RNF207: variants seen among roughly 807,000 people sequenced by gnomAD.
The protein encoded by RNF207 is OTTHUMG00000001089.
In RNF207, 72 loss-of-function variants were observed where a neutral mutation model predicts 79.0. That is an observed-to-expected ratio of 0.91 (90% CI 0.75 to 1.11). RNF207 has a LOEUF of 1.11. Ranked by LOEUF, RNF207 falls within the 50% of genes least tolerant of loss-of-function variation. The probability of loss-of-function intolerance (pLI) is 0.00; values close to 1 mark genes in which losing one functional copy is unlikely to be tolerated. For synonymous variants in RNF207, 348 were observed against 366.2 expected (o/e 0.95, Z 0.57); for missense variants, 936 against 855.8 (o/e 1.09, Z -1.17).
chr1:6,218,480 T>A, intron 17 of RNF207, 111 bp downstream of exon 17: 2 of 738,936 alleles, frequency 2.7e-6, no homozygotes, highest in Non-Finnish European at 4.5e-6. Context: ...TCTGGGGCCC[T>A]GGCTGGGCCT....
chr1:6,218,476 GC>G (rs896850936), intron 17 of RNF207, 107 bp downstream of exon 17: 1 of 804,718 alleles, frequency 1.2e-6, no homozygotes, highest in African/African-American at 1.8e-5. Context: ...CAGCTCTGGG[GC>G]CCTGGCTGGG....
In RNF207 at chr1:6,210,921, C is replaced by T. The variant is rs375841492; in HGVS notation, c.994C>T (p.Pro332Ser). The change falls in exon 11 of 18, where the codon CCT becomes TCT. Residue 332 changes from proline (P) to serine (S), a missense_variant. Coordinates refer to ENST00000377939, the MANE Select transcript of RNF207 (RefSeq NM_207396.3). Reference protein sequence around the residue: ...GIVTRPHHLRPIQSSKIASDH... With the variant: ...GIVTRPHHLRSIQSSKIASDH... ...CGTCACGCGGCCGCACCACCTAAGG[C>T]CTATTCAGAGCAGCAAGGTGTGCAG... 2.6e-5 allele frequency: 42 copies of T among 1,606,746 alleles called. No homozygotes were observed. The Middle Eastern group carries it at 5.0e-4, about 19-fold the overall frequency.
At position 6,219,229 on chromosome 1, in the gene RNF207, C is replaced by T; in HGVS notation, c.1734-7C>T. 5 of 1,600,658 alleles carry T rather than the reference C, an allele frequency of 3.1e-6. No individual in the cohort carries two copies. The highest frequency in any genetic ancestry group is 3.4e-6 in the Non-Finnish European group (4 of 1,172,782). On this transcript the variant is annotated splice_region_variant and splice_polypyrimidine_tract_variant and intron_variant, in intron 17 of 17. Coordinates refer to ENST00000377939, the MANE Select transcript of RNF207 (RefSeq NM_207396.3). ...CGGGCTGGGCTTACATGAGGCTGTC[C>T]CTTTAGGAATAATCCAGGAAGTGTC...
Position 6,207,595 on chromosome 1 carries a change from C to T in RNF207, c.324+84C>T. 7.0e-7 allele frequency: 1 copy of T among 1,421,498 alleles called. No individual in the cohort carries two copies. The highest frequency in any genetic ancestry group is 9.6e-7 in the Non-Finnish European group (1 of 1,039,140). The allele number at this position is 1,421,498 out of a possible 1,614,324, so 88.1% of individuals were successfully genotyped here. A position where few individuals can be genotyped will look rare whatever the true frequency, so the allele number is the denominator to read the frequency against. On this transcript the variant is annotated intron_variant, in intron 3 of 17. Coordinates refer to ENST00000377939, the MANE Select transcript of RNF207 (RefSeq NM_207396.3). This position sits in a 1 kb window ranked among gnomAD's most constrained non-coding sequence, Gnocchi z 4.5. ...ATGCTTGCACATGCACTCAGCATGT[C>T]TTCAGAGGACGACCTGGCAGTGGAT...
At chr1:6,212,536 G>T in intron 14 of RNF207, 120 bp downstream of exon 14, 6 of 1,267,668 alleles carry the variant, frequency 4.7e-6, no homozygotes, top group Non-Finnish European at 6.8e-6. Flanking sequence ...CATGTGGCAG[G>T]GTCTGGAAAC....
chr1:6,212,622 A>G, intron 14 of RNF207, 60 bp from the exon 15 acceptor site: 4 of 1,458,620 alleles, frequency 2.7e-6, no homozygotes, highest in Non-Finnish European at 3.9e-6. Flanking sequence ...TAGAGATAGC[A>G]ATGCCGCCAC....
At chr1:6,208,832 C>T (rs747137960) in intron 3 of RNF207, 49 bp from the exon 4 acceptor site, 87 of 1,488,274 alleles carry the variant, frequency 5.8e-5, no homozygotes, top group Non-Finnish European at 6.8e-5. Flanking sequence ...GGTTCCCGCG[C>T]TGGCCGCGGT....
chr1:6,213,481 A>G (rs113747116), intron 16 of RNF207, among the ~76,000 whole-genome samples: 13 of 152,046 alleles, frequency 8.6e-5, no homozygotes, highest in African/African-American at 2.7e-4. Flanking sequence ...AAAAAAAAAA[A>G]AAAAAAAACT....
rs2100951190 is a variant in RNF207, at chr1:6,219,753, CA to C, written c.*349del. 6.3e-6 allele frequency: 1 copy of C among 159,072 alleles called. No individual in the cohort carries two copies. Among genetic ancestry groups the C allele is most frequent in the Non-Finnish European group, 1.4e-5 (1 of 72,510 alleles). The allele number at this position is 159,072 out of a possible 1,614,324, so 9.9% of individuals were successfully genotyped here. A position where few individuals can be genotyped will look rare whatever the true frequency, so the allele number is the denominator to read the frequency against. On this transcript the variant is annotated 3_prime_UTR_variant, in exon 18 of 18. Coordinates refer to ENST00000377939, the MANE Select transcript of RNF207 (RefSeq NM_207396.3). ...AGGTGATCCACCTGCCTCAGCCTCC[CA>C]AAGTGCTGAGATTACAGGGGTGAGT...
chr1:6,207,482 G>A lies in RNF207; in HGVS notation c.295G>A (p.Ala99Thr), dbSNP rs138790353. The A allele has an allele frequency of 5.0e-6, 8 of 1,602,898 alleles. No individual in the cohort carries two copies. In the African/African-American group the frequency reaches 1.1e-4, roughly 21 times the overall value. Residue 99 changes from alanine (A) to threonine (T), a missense_variant, in exon 3 of 18, where the codon GCC (alanine) becomes ACC (threonine). Transcript: ENST00000377939. The surrounding 1 kb of genome is among the most constrained non-coding windows in gnomAD (Gnocchi z 4.5). ...GGATGGCGTGGAGGCGGTGCGCTGT[G>A]CCAACTGTGACCTGGAGTGCAGCGA... The part of the protein sequence containing the change: ...SGDGVEAVRC[A>T]NCDLECSEQD...
chr1:6,210,159 G>T lies in RNF207; in HGVS notation c.801-64G>T, dbSNP rs112126136. On this transcript the variant is annotated intron_variant, in intron 8 of 17. Coordinates refer to ENST00000377939, the MANE Select transcript of RNF207 (RefSeq NM_207396.3). ...CGGACATGCGAAGCTGGAGGCGGGT[G>T]GGGGATGGAACTGCCCGGCCCTGCT... 13 of 1,441,192 alleles carry T rather than the reference G, an allele frequency of 9.0e-6. 1 individual carries two copies. Among genetic ancestry groups the T allele is most frequent in the South Asian group, 8.3e-5 (7 of 84,600 alleles). 89.3% of individuals were successfully genotyped at this position (1,441,192 alleles called of 1,614,324 possible).
At chr1:6,214,851 C>T (rs946118751) in intron 16 of RNF207, among the ~76,000 whole-genome samples, 9 of 151,054 alleles carry the variant, frequency 6.0e-5, no homozygotes, top group African/African-American at 1.9e-4. Context: ...TGGCCAGGAT[C>T]GTCTTGATCA....
rs547518949 is a variant in RNF207 at position 6,215,727 on chromosome 1, C to T, written c.1652+2544C>T. Among the ~76,000 whole-genome samples the T allele has an allele frequency of 1.4e-4, 22 of 152,294 alleles. No individual in the cohort carries two copies. In the South Asian group the frequency reaches 4.3e-3, roughly 30 times the overall value. ...CCAGGCTGGAGTGCAATGGCGCCAT[C>T]TCAGCTCTCACTGCAGCCTCCACCT... On this transcript the variant is annotated intron_variant, in intron 16 of 17. Transcript: ENST00000377939.
chr1:6,206,476 G>A (rs1390173613), intron 1 of RNF207, 60 bp from the exon 2 acceptor site: 3 of 1,320,700 alleles, frequency 2.3e-6, no homozygotes, highest in East Asian at 2.5e-5. Context: ...CAGAGGGGCC[G>A]CGGGAGCTCA....
chr1:6,218,053 G>A (rs1259434852), intron 16 of RNF207, among the ~76,000 whole-genome samples: 1 of 152,246 alleles, frequency 6.6e-6, no homozygotes, highest in East Asian at 1.9e-4. Flanking sequence ...CCCTCAGCGT[G>A]TCTGGCCCGA....
chr1:6,214,441 T>C (rs12068971), intron 16 of RNF207, among the ~76,000 whole-genome samples: 22,316 of 151,484 alleles, frequency 0.15, 3,740 homozygotes, highest in African/African-American at 0.41. Flanking sequence ...CTTGCTCTGT[T>C]GCCGAGGCTG....
intron 14 of RNF207, 64 bp downstream of exon 14, chr1:6,212,480 A>G: frequency 6.7e-7 from 1 of 1,485,954 alleles, no homozygotes; most frequent in Non-Finnish European, 9.2e-7. Context: ...CTACCCTAAG[A>G]CAGTAAGCGG....
In RNF207 at chr1:6,208,945, A is replaced by G. The variant is rs1220580847; in HGVS notation, c.389A>G (p.Glu130Gly). Residue 130 changes from glutamate to glycine, a missense_variant, in exon 4 of 18, where the codon GAG becomes GGG. Glu to Gly is a moderately conservative substitution (Grantham distance 98). Coordinates refer to ENST00000377939, the MANE Select transcript of RNF207 (RefSeq NM_207396.3). Reference sequence around the variant, plus strand: ...CCCCTATGCGCGCGCTGCCGCGACGAGACGCACCGAGCACGCATGTTCGCG... The same window carrying G: ...CCCCTATGCGCGCGCTGCCGCGACGGGACGCACCGAGCACGCATGTTCGCG... ...GQPLCARCRD[E>G]THRARMFARH... 3 of 1,535,254 alleles carry G rather than the reference A, an allele frequency of 2.0e-6. No individual in the cohort carries two copies. In the Admixed American group the frequency reaches 5.9e-5, roughly 30 times the overall value.
Position 6,206,516 on chromosome 1 carries a change from C to T in RNF207, c.1-20C>T, listed in dbSNP as rs776213991. The T allele has an allele frequency of 3.3e-6, 5 of 1,535,718 alleles. No individual in the cohort carries two copies. Among genetic ancestry groups the T allele is most frequent in the South Asian group, 2.4e-5 (2 of 84,638 alleles). On this transcript the variant is annotated intron_variant, in intron 1 of 17. Transcript: ENST00000377939. ...GGGCTCCGTGCGTGCCCCAGCCGCC[C>T]GCTTGCGCTGTCGCTGCAGATGTCG...
Sources: gnomAD v4.1 joint callset for allele counts (sites outside exome capture counted in the v4.1 genomes callset) on GRCh38, gnomAD v4.1.1 for gene constraint, Gnocchi (gnomAD v3.1) non-coding constraint, MANE v1.5 for transcripts, NCBI Gene and HGNC (gene_info 2026-07-23, HGNC 2026-07-21) for gene names.